Variants in CD8B observed in about 807,000 individuals in gnomAD.
The protein encoded by CD8B is CD8 subunit beta.
Under a neutral mutation model 24.2 loss-of-function variants are expected in CD8B, and 6 were observed. The ratio of observed to expected loss-of-function variants is 0.25; its 90% confidence interval spans 0.14 to 0.49. The LOEUF (loss-of-function observed/expected upper bound fraction) is 0.49. Among genes scored for constraint, CD8B ranks in the 20% least tolerant of loss-of-function variants. The pLI is 0.98. For synonymous variants in CD8B, 84 were observed against 108.3 expected, an observed-to-expected ratio of 0.78 and a Z score of 1.39; for missense variants, 196 against 271.3, an observed-to-expected ratio of 0.72 and a Z score of 1.95.
At chr2:86,833,237 C>G (rs1674992152), downstream of CD8B, among the ~76,000 whole-genome samples, 1 of 149,608 alleles carries the variant, frequency 6.7e-6, no homozygotes, top group South Asian at 2.1e-4. Context: ...CTCTGTTGCC[C>G]AGGCTGGAGT....
intron 4 of CD8B, among the ~76,000 whole-genome samples, chr2:86,846,202 C>G (rs1238585886): frequency 6.6e-6 from 1 of 152,248 alleles, no homozygotes; most frequent in African/African-American, 2.4e-5. Context: ...CTGTTTCCCA[C>G]AGCCTCATCA....
chr2:86,822,235 GA>G (rs373630399), intron 5 of CD8B: 72,975 of 520,652 alleles, frequency 0.14, 71 homozygotes, highest in East Asian at 0.16. Context: ...ACCCCAGCAG[GA>G]AAAAAAAAAA....
intron 1 of CD8B, among the ~76,000 whole-genome samples, chr2:86,861,057 A>T (rs991446742): frequency 2.0e-5 from 3 of 152,124 alleles, no homozygotes; most frequent in African/African-American, 7.2e-5. Flanking sequence ...ATGATGTTGC[A>T]CTCACTGGGC....
chr2:86,844,047 T>C (rs775704141), intron 5 of CD8B, among the ~76,000 whole-genome samples: 1 of 152,236 alleles, frequency 6.6e-6, no homozygotes, highest in Non-Finnish European at 1.5e-5. Context: ...TGAAACAGTC[T>C]CTGTTGTGAG....
intron 1 of CD8B, among the ~76,000 whole-genome samples, chr2:86,861,332 AG>A (rs1676576208): frequency 6.6e-6 from 1 of 152,100 alleles, no homozygotes; most frequent in Non-Finnish European, 1.5e-5. Context: ...CGGGAGCCAG[AG>A]GGATCACCCT....
At chr2:86,852,221 C>G (rs1676012109) in intron 3 of CD8B, among the ~76,000 whole-genome samples, 2 of 152,216 alleles carry the variant, frequency 1.3e-5, no homozygotes, top group Admixed American at 6.5e-5. Context: ...CCCATCTGGG[C>G]CTCCCAAAGT....
At chr2:86,825,700 C>T (rs530179173) in intron 5 of CD8B, among the ~76,000 whole-genome samples, 2 of 152,286 alleles carry the variant, frequency 1.3e-5, no homozygotes, top group East Asian at 1.9e-4. Flanking sequence ...CTGCATGCAG[C>T]GGCAACATGA....
At position 86,858,271 on chromosome 2, in the gene CD8B, A is replaced by G. The variant is rs200182639; in HGVS notation, c.189T>C (p.Ser63=). The G allele has an allele frequency of 6.2e-7, 1 of 1,613,982 alleles. No homozygotes were observed. The highest frequency in any genetic ancestry group is 1.1e-5 in the South Asian group (1 of 91,082). The change falls in exon 2 of 6, where the codon AGT becomes AGC. Residue 63 remains serine (S), a synonymous_variant. Transcript: ENST00000390655. ...YWLRQRQAPS[S]DSHHEFLALW... is the part of the protein sequence containing the mutation. ...GGGCCAGGAACTCGTGGTGACTGTC[A>G]CTGCTCGGTGCCTGGCGCTGTCTCA...
downstream of CD8B, among the ~76,000 whole-genome samples, chr2:86,836,549 G>A (rs573413057): frequency 6.0e-4 from 91 of 152,330 alleles, no homozygotes; most frequent in African/African-American, 2.1e-3. Context: ...ACTTTGAGAG[G>A]CTAAGGTGGG....
At chr2:86,843,577 T>C (rs1675535179) in intron 5 of CD8B, 18 of 983,688 alleles carry the variant, frequency 1.8e-5, no homozygotes, top group Non-Finnish European at 2.2e-5. Context: ...ATAAATATAA[T>C]GTGTACAACA....
intron 3 of CD8B, 73 bp from the exon 4 acceptor site, chr2:86,846,846 G>A (rs1675704061): frequency 2.3e-5 from 24 of 1,038,910 alleles, no homozygotes; most frequent in Non-Finnish European, 3.3e-5. Context: ...AAAATACAAG[G>A]AGCGAAAAAT....
At chr2:86,833,679 G>A (rs1158883816), downstream of CD8B, among the ~76,000 whole-genome samples, 2 of 119,544 alleles carry the variant, frequency 1.7e-5, no homozygotes, top group Non-Finnish European at 3.6e-5. Context: ...GGGGGGCAGT[G>A]GGGACAGAGC....
At chr2:86,824,138 C>T (rs1307140239) in intron 5 of CD8B, among the ~76,000 whole-genome samples, 4 of 151,392 alleles carry the variant, frequency 2.6e-5, no homozygotes, top group South Asian at 2.1e-4. Context: ...GGAAGGAGGC[C>T]CTGGGCTGTG....
In CD8B at chr2:86,839,676, C is replaced by T. The variant is rs546862337; in HGVS notation, c.*2631G>A. Among the ~76,000 whole-genome samples, 1 of 152,376 alleles carries T rather than the reference C, an allele frequency of 6.6e-6. No individual in the cohort carries two copies. The highest frequency in any genetic ancestry group is 2.1e-4 in the South Asian group (1 of 4,828). On this transcript the variant is annotated 3_prime_UTR_variant, in exon 6 of 6. Transcript: ENST00000390655. ...AGAGGAGCGCAAACCACCCCTGCCCCCAGCCCAACCCCATGAGAACTTGTG... is the reference window on the plus strand; with the variant it reads ...AGAGGAGCGCAAACCACCCCTGCCCTCAGCCCAACCCCATGAGAACTTGTG...
intron 2 of CD8B, among the ~76,000 whole-genome samples, chr2:86,857,041 T>G (rs1032257181): frequency 6.6e-6 from 1 of 152,168 alleles, no homozygotes; most frequent in Admixed American, 6.5e-5. Flanking sequence ...ACTTGCTGAC[T>G]TAAGTCAGAG....
chr2:86,829,473 G>T (rs1340636139), intron 5 of CD8B, among the ~76,000 whole-genome samples: 1 of 152,118 alleles, frequency 6.6e-6, no homozygotes, highest in African/African-American at 2.4e-5. Flanking sequence ...GTCAGGCTGG[G>T]GGGAGTCAGG....
intron 3 of CD8B, among the ~76,000 whole-genome samples, chr2:86,850,324 T>A (rs1428223773): frequency 2.6e-5 from 4 of 152,048 alleles, no homozygotes; most frequent in African/African-American, 4.8e-5. Context: ...AGTCTATGGT[T>A]TAGAAATGGT....
chr2:86,858,071 G>A lies in CD8B; in HGVS notation c.389C>T (p.Thr130Ile). Reference protein sequence around the residue: ...GSPELTFGKGTQLSVVDFLPT... With the variant: ...GSPELTFGKGIQLSVVDFLPT... Reference sequence around the variant, plus strand: ...CTGCTTCTTACCCACACTCAGCTGAGTTCCCTTCCCGAAGGTCAGCTCGGG... The same window carrying A: ...CTGCTTCTTACCCACACTCAGCTGAATTCCCTTCCCGAAGGTCAGCTCGGG... The change falls in exon 2 of 6, where the codon ACT becomes ATT. Residue 130 changes from threonine to isoleucine, a missense_variant. Coordinates refer to ENST00000390655, the MANE Select transcript of CD8B (RefSeq NM_004931.5). 5.6e-6 allele frequency: 9 copies of A among 1,613,912 alleles called. No homozygotes were observed. The highest frequency in any genetic ancestry group is 1.1e-5 in the South Asian group (1 of 91,078).
chr2:86,819,814 TGATA>T (rs1674391352), intron 5 of CD8B, among the ~76,000 whole-genome samples: 1 of 152,222 alleles, frequency 6.6e-6, no homozygotes, highest in Non-Finnish European at 1.5e-5. Context: ...ATGATTCCTC[TGATA>T]GATCTGGGTG....
Sources: allele counts gnomAD v4.1 joint callset (sites outside exome capture counted in the v4.1 genomes callset), GRCh38; gene constraint gnomAD v4.1.1; transcripts MANE v1.5; gene names NCBI Gene and HGNC (gene_info 2026-07-23, HGNC 2026-07-21).